The following WDR70 variants were observed in gnomAD, a reference collection of about 807,000 sequenced individuals.
WDR70 encodes the protein WD repeat-containing protein 70.
In WDR70, 53 loss-of-function variants were observed where a neutral mutation model predicts 88.6. The ratio of observed to expected loss-of-function variants is 0.60; its 90% CI spans 0.48 to 0.75. The LOEUF (loss-of-function observed/expected upper bound fraction) is 0.75. Among genes scored for constraint, WDR70 ranks in the 30% least tolerant of loss-of-function variants. The probability of loss-of-function intolerance (pLI) is 0.00; values close to 1 mark genes in which losing one functional copy is unlikely to be tolerated. For missense variants in WDR70, 610 were observed against 823.2 expected (o/e 0.74, Z 3.17); for synonymous variants, 280 against 270.0 (o/e 1.04, Z -0.36).
intron 17 of WDR70, among the ~76,000 whole-genome samples, chr5:37,735,624 T>C (rs1438325266): frequency 6.6e-6 from 1 of 152,172 alleles, no homozygotes; most frequent in East Asian, 1.9e-4. Context: ...TGGCATGTAA[T>C]TTGTTAGCTA....
intron 10 of WDR70, among the ~76,000 whole-genome samples, chr5:37,688,195 TG>T (rs1746671080): frequency 6.6e-6 from 1 of 152,216 alleles, no homozygotes; most frequent in Non-Finnish European, 1.5e-5. Flanking sequence ...GTCATAGAGC[TG>T]TAAATGACCC....
intron 9 of WDR70, among the ~76,000 whole-genome samples, chr5:37,519,332 C>A (rs1329568755): frequency 6.6e-6 from 1 of 150,952 alleles, no homozygotes; most frequent in African/African-American, 2.4e-5. Context: ...AGGCGCTCCT[C>A]ACTTCCCAGA....
rs141732552 is a variant in WDR70 at position 37,605,075 on chromosome 5, C to T, written c.929C>T (p.Thr310Met). ...MTCSNDATVRTWEVENPKKQK... is the reference protein window; with the variant it reads ...MTCSNDATVRMWEVENPKKQK... The stretch of plus-strand genomic sequence containing the variant: ...CTGATCATTTTTAGGACTGTGAGGA[C>T]GTGGGAAGTTGAAAATCCAAAGAAG... The change falls in exon 10 of 18, where the codon ACG becomes ATG. Residue 310 changes from threonine (T) to methionine (M), a missense_variant. By Grantham distance (81) the Thr-to-Met change is moderately conservative. Coordinates refer to ENST00000265107, the MANE Select transcript of WDR70 (RefSeq NM_018034.4). 1.7e-4 allele frequency: 270 copies of T among 1,606,508 alleles called. No homozygotes were observed. In the African/African-American group the frequency reaches 3.2e-3, roughly 19 times the overall value.
chr5:37,654,375 T>C (rs1289220202), intron 10 of WDR70, among the ~76,000 whole-genome samples: 2 of 152,214 alleles, frequency 1.3e-5, no homozygotes, highest in Non-Finnish European at 2.9e-5. Context: ...ATGTGGTCAA[T>C]TTTAGAATAA....
intron 10 of WDR70, among the ~76,000 whole-genome samples, chr5:37,605,801 A>C (rs965231917): frequency 3.3e-5 from 5 of 152,198 alleles, no homozygotes; most frequent in African/African-American, 1.2e-4. Flanking sequence ...TAGAATCCAT[A>C]TAAATAATGA....
chr5:37,597,203 T>A (rs2112460678), intron 9 of WDR70, among the ~76,000 whole-genome samples: 1 of 152,312 alleles, frequency 6.6e-6, no homozygotes, highest in Middle Eastern at 3.4e-3. Flanking sequence ...TTTTCATTTA[T>A]CTTAAGTAAC....
At chr5:37,506,346 T>G (rs527676525) in intron 8 of WDR70, 293 of 890,154 alleles carry the variant, frequency 3.3e-4, no homozygotes, top group Middle Eastern at 6.6e-4. Flanking sequence ...AAATCTTGCT[T>G]CTTCTAACAC....
At chr5:37,446,140 C>A (rs1469070806) in intron 7 of WDR70, among the ~76,000 whole-genome samples, 1 of 152,082 alleles carries the variant, frequency 6.6e-6, no homozygotes, top group Non-Finnish European at 1.5e-5. Flanking sequence ...TCTTATACAC[C>A]AATAACAGAC....
intron 9 of WDR70, among the ~76,000 whole-genome samples, chr5:37,517,368 A>AT (rs1171413880): frequency 2.8e-5 from 3 of 106,606 alleles, no homozygotes; most frequent in Non-Finnish European, 4.6e-5. Context: ...TTGGTTATTA[A>AT]ATTTTTTTTT....
chr5:37,634,004 A>G (rs916974729), intron 10 of WDR70, among the ~76,000 whole-genome samples: 8 of 151,932 alleles, frequency 5.3e-5, no homozygotes, highest in African/African-American at 1.7e-4. Context: ...AATATTTTAA[A>G]AACTAGTACA....
rs769246785 is a variant in WDR70 at position 37,396,367 on chromosome 5, A to G, written c.297-8A>G. 1.9e-6 allele frequency: 3 copies of G among 1,596,784 alleles called. No individual in the cohort carries two copies. The highest frequency in any genetic ancestry group is 2.6e-6 in the Non-Finnish European group (3 of 1,171,924). On this transcript the variant is annotated splice_polypyrimidine_tract_variant and splice_region_variant and intron_variant, in intron 4 of 17. Coordinates refer to ENST00000265107, the MANE Select transcript of WDR70 (RefSeq NM_018034.4). Reference sequence around the variant, plus strand: ...AGAGGCAAAGAGTTTCTGTTTCTGTATTTTCAGGGATACGAGCAGCAGTGA... The same window carrying G: ...AGAGGCAAAGAGTTTCTGTTTCTGTGTTTTCAGGGATACGAGCAGCAGTGA...
intron 8 of WDR70, among the ~76,000 whole-genome samples, chr5:37,512,240 T>A (rs1048857275): frequency 6.6e-6 from 1 of 152,174 alleles, no homozygotes; most frequent in African/African-American, 2.4e-5. Context: ...TTTTTTTTCT[T>A]GAAACAGGGT....
intron 9 of WDR70, among the ~76,000 whole-genome samples, chr5:37,583,980 A>C (rs1002578305): frequency 2.6e-5 from 4 of 152,214 alleles, no homozygotes; most frequent in African/African-American, 9.6e-5. Flanking sequence ...ACTTGTTTTC[A>C]TGGATTCATA....
intron 10 of WDR70, among the ~76,000 whole-genome samples, chr5:37,684,013 G>A (rs140707181): frequency 1.3e-5 from 2 of 152,030 alleles, no homozygotes; most frequent in East Asian, 1.9e-4. Flanking sequence ...ACATAATCTC[G>A]TATTTCTCAG....
chr5:37,730,566 G>A (rs1271790015), intron 17 of WDR70, among the ~76,000 whole-genome samples: 9 of 152,008 alleles, frequency 5.9e-5, no homozygotes, highest in Admixed American at 4.6e-4. Flanking sequence ...TCCGTTGTAC[G>A]AATTTATCAT....
rs143798414 is a variant in WDR70, at chr5:37,430,518, C to T, written c.493-7404C>T. Reference sequence around the variant, plus strand: ...TCGCCCTGTACTAATGAAGTTTTTACTGTTGTAATTAATTAATACTTTGTG... The same window carrying T: ...TCGCCCTGTACTAATGAAGTTTTTATTGTTGTAATTAATTAATACTTTGTG... On this transcript the variant is annotated intron_variant, in intron 5 of 17. Transcript: ENST00000265107. 8.7e-3 allele frequency among the ~76,000 whole-genome samples: 1,321 copies of T among 152,184 alleles called. 12 individuals carry two copies. Among genetic ancestry groups the T allele is most frequent in the Non-Finnish European group, 0.014 (963 of 68,004 alleles).
At chr5:37,420,740 C>T (rs1189447514) in intron 5 of WDR70, among the ~76,000 whole-genome samples, 1 of 151,844 alleles carries the variant, frequency 6.6e-6, no homozygotes, top group Non-Finnish European at 1.5e-5. Flanking sequence ...GGTGAAACCC[C>T]GTCTCTACTA....
At chr5:37,494,033 G>C (rs1438051680) in intron 8 of WDR70, among the ~76,000 whole-genome samples, 1 of 151,998 alleles carries the variant, frequency 6.6e-6, no homozygotes, top group African/African-American at 2.4e-5. Flanking sequence ...TGGCCAGGCT[G>C]GTCTCAAACT....
chr5:37,717,778 G>T (rs1044469321), intron 13 of WDR70, among the ~76,000 whole-genome samples: 2 of 152,188 alleles, frequency 1.3e-5, no homozygotes, highest in African/African-American at 4.8e-5. Flanking sequence ...GCTATAAGAT[G>T]CATTTCCTTG....
Sources: allele counts gnomAD v4.1 joint callset (sites outside exome capture counted in the v4.1 genomes callset), GRCh38; gene constraint gnomAD v4.1.1; transcripts MANE v1.5; gene names NCBI Gene and HGNC (gene_info 2026-07-23, HGNC 2026-07-21).